SPDYE10: variants seen among roughly 807,000 people sequenced by gnomAD.
SPDYE10 encodes speedy protein E10.
the SPDYE10 span, among the ~76,000 whole-genome samples, chr7:73,125,251 A>C: frequency 6.7e-6 from 1 of 149,940 alleles, no homozygotes; most frequent in Non-Finnish European, 1.5e-5. Flanking sequence ...GCTAGGCTGC[A>C]GTCACTTCCA....
chr7:73,126,506 C>CAAA, the SPDYE10 span, among the ~76,000 whole-genome samples: 70 of 47,738 alleles, frequency 1.5e-3, no homozygotes, highest in Middle Eastern at 0.011. Flanking sequence ...GACTCCATCT[C>CAAA]AAAAAAAAAA....
the SPDYE10 span, among the ~76,000 whole-genome samples, chr7:73,149,510 A>G: frequency 7.2e-6 from 1 of 138,192 alleles, no homozygotes; most frequent in African/African-American, 2.8e-5. Flanking sequence ...GATGGTCTCA[A>G]TCTCCTAACC....
At chr7:73,116,926 C>T in the SPDYE10 span, among the ~76,000 whole-genome samples, 8 of 151,692 alleles carry the variant, frequency 5.3e-5, no homozygotes, top group East Asian at 3.8e-4. Context: ...GACAGAGTCT[C>T]GCTGTGTTGC....
the SPDYE10 span, among the ~76,000 whole-genome samples, chr7:73,126,746 T>C: frequency 1.3e-5 from 2 of 148,444 alleles, no homozygotes; most frequent in Non-Finnish European, 3.0e-5. Context: ...GGTGCAATCA[T>C]AGCTCACTGT....
chr7:73,147,754 C>T, the SPDYE10 span, among the ~76,000 whole-genome samples: 2 of 151,454 alleles, frequency 1.3e-5, no homozygotes, highest in Admixed American at 6.5e-5. Context: ...CTCAGCCTCC[C>T]GAAGTGCTGG....
At chr7:73,115,498 G>C in the SPDYE10 span, among the ~76,000 whole-genome samples, 2 of 147,966 alleles carry the variant, frequency 1.4e-5, no homozygotes, top group Non-Finnish European at 3.0e-5. Context: ...GTATCCGTGT[G>C]AGTCTGGACA....
the SPDYE10 span, among the ~76,000 whole-genome samples, chr7:73,152,002 T>C: frequency 6.6e-6 from 1 of 151,720 alleles, no homozygotes; most frequent in African/African-American, 2.4e-5. Context: ...TTTATTGTTG[T>C]TGTTTTGTTT....
At chr7:73,128,163 A>T in the SPDYE10 span, among the ~76,000 whole-genome samples, 1,956 of 151,918 alleles carry the variant, frequency 0.013, 18 homozygotes, top group African/African-American at 0.044. Context: ...ATATCATTAT[A>T]GTCTACGTAG....
At chr7:73,132,030 ACT>A in the SPDYE10 span, among the ~76,000 whole-genome samples, 2 of 144,366 alleles carry the variant, frequency 1.4e-5, no homozygotes. Flanking sequence ...TTGTGACCTA[ACT>A]CTGCACTCCG....
the SPDYE10 span, among the ~76,000 whole-genome samples, chr7:73,142,990 G>A: frequency 2.3e-5 from 3 of 133,320 alleles, no homozygotes; most frequent in African/African-American, 8.5e-5. Flanking sequence ...GAGGAAGGAA[G>A]GAAGGAAGGA....
chr7:73,123,960 T>G, the SPDYE10 span, among the ~76,000 whole-genome samples: 2 of 151,694 alleles, frequency 1.3e-5, no homozygotes, highest in African/African-American at 2.4e-5. Flanking sequence ...TGTTTTTTTG[T>G]AGAGATAGGG....
At chr7:73,149,192 G>A in the SPDYE10 span, among the ~76,000 whole-genome samples, 4 of 141,022 alleles carry the variant, frequency 2.8e-5, no homozygotes, top group East Asian at 2.0e-4. Context: ...ATGTTGCCCC[G>A]CCTGGTCTTG....
At chr7:73,134,342 T>G in the SPDYE10 span, among the ~76,000 whole-genome samples, 1 of 122,032 alleles carries the variant, frequency 8.2e-6, no homozygotes, top group Admixed American at 1.0e-4. Flanking sequence ...GGACACAGGG[T>G]GGGGAACATC....
the SPDYE10 span, among the ~76,000 whole-genome samples, chr7:73,120,448 A>T: frequency 1.0e-3 from 34 of 33,562 alleles, no homozygotes; most frequent in African/African-American, 7.0e-3. Context: ...AGATGTAGAG[A>T]TCATGGCAGC....
At chr7:73,123,788 C>CCCTCCCTCTCT in the SPDYE10 span, among the ~76,000 whole-genome samples, 1 of 97,458 alleles carries the variant, frequency 1.0e-5, no homozygotes, top group African/African-American at 5.1e-5. Flanking sequence ...TCTCTCTCTC[C>CCCTCCCTCTCT]CTCTCTCTCT....
At chr7:73,135,514 T>C in the SPDYE10 span, among the ~76,000 whole-genome samples, 2 of 138,846 alleles carry the variant, frequency 1.4e-5, no homozygotes, top group Non-Finnish European at 3.1e-5. Flanking sequence ...AAAGGCATTC[T>C]CTTTTCTTTC....
chr7:73,137,738 G>A, the SPDYE10 span, among the ~76,000 whole-genome samples: 3 of 17,078 alleles, frequency 1.8e-4, no homozygotes, highest in Non-Finnish European at 2.6e-4. Flanking sequence ...GGGAGGGAGA[G>A]GGGAAGGGGG....
chr7:73,145,797 T>A, the SPDYE10 span, among the ~76,000 whole-genome samples: 1 of 126,206 alleles, frequency 7.9e-6, no homozygotes, highest in African/African-American at 3.1e-5. Context: ...GCGGCCGCCA[T>A]GCACAGAAGG....
chr7:73,111,829 G>A, the SPDYE10 span, among the ~76,000 whole-genome samples: 7 of 107,928 alleles, frequency 6.5e-5, no homozygotes, highest in Admixed American at 5.9e-4. Context: ...GCAGTAGCAC[G>A]ATCTCGGCTC....
Sources: gnomAD v4.1 joint callset for allele counts (sites outside exome capture counted in the v4.1 genomes callset) on GRCh38, gnomAD v4.1.1 for gene constraint, MANE v1.5 for transcripts, NCBI Gene and HGNC (gene_info 2026-07-23, HGNC 2026-07-21) for gene names.